Variants in NFX1 observed in about 807,000 individuals in gnomAD.
NFX1 encodes the protein transcriptional repressor NF-X1.
In NFX1, 69 loss-of-function variants were observed where a neutral mutation model predicts 137.2. The ratio of observed to expected loss-of-function variants is 0.50; its 90% CI spans 0.41 to 0.61. The LOEUF (loss-of-function observed/expected upper bound fraction) is 0.61. Ranked by LOEUF, NFX1 falls within the 20% of genes least tolerant of loss-of-function variation. The pLI is 0.00. For missense variants in NFX1, 1,167 were observed against 1,391.0 expected (o/e 0.84, Z 2.56); for synonymous variants, 495 against 474.1 (o/e 1.04, Z -0.57).
intron 9 of NFX1, among the ~76,000 whole-genome samples, chr9:33,327,067 A>T (rs1480776815): frequency 1.3e-5 from 2 of 152,256 alleles, no homozygotes; most frequent in South Asian, 4.1e-4. Flanking sequence ...ATAGGAAAGG[A>T]GTATTAGAAT....
intron 3 of NFX1, among the ~76,000 whole-genome samples, chr9:33,302,053 C>T (rs140042129): frequency 0.021 from 3,202 of 152,284 alleles, 128 homozygotes; most frequent in African/African-American, 0.073. Flanking sequence ...GCCTGGGTGA[C>T]AGAGCAAGAC....
intron 15 of NFX1, chr9:33,348,811 A>C: frequency 1.0e-6 from 1 of 982,714 alleles, no homozygotes; most frequent in Non-Finnish European, 1.2e-6. Flanking sequence ...AAACCACCAG[A>C]CGTGGTACAC....
intron 15 of NFX1, 48 bp from the exon 16 acceptor site, chr9:33,351,512 C>G: frequency 6.4e-7 from 1 of 1,565,518 alleles, no homozygotes; most frequent in Non-Finnish European, 8.8e-7. Flanking sequence ...AAAACTCACC[C>G]CAAATCCCAC....
At chr9:33,338,205 A>G (rs1459018342) in intron 11 of NFX1, among the ~76,000 whole-genome samples, 1 of 151,450 alleles carries the variant, frequency 6.6e-6, no homozygotes, top group Non-Finnish European at 1.5e-5. Context: ...AAATACAAAA[A>G]TTAGCTGGGT....
Position 33,311,192 on chromosome 9 carries a change from A to T in NFX1, c.1448+15A>T. The T allele has an allele frequency of 6.2e-7, 1 of 1,612,814 alleles. No homozygotes were observed. The highest frequency in any genetic ancestry group is 1.1e-5 in the South Asian group (1 of 91,058). On this transcript the variant is annotated intron_variant, in intron 6 of 23. Coordinates refer to ENST00000379540, the MANE Select transcript of NFX1 (RefSeq NM_002504.6). ...GGACGAACCAGGTAAAGTTAAAATT[A>T]CACCCTAAAGAAGACCTCAGTTTTC...
At chr9:33,300,404 G>A (rs1375447685) in intron 2 of NFX1, among the ~76,000 whole-genome samples, 3 of 152,018 alleles carry the variant, frequency 2.0e-5, no homozygotes, top group South Asian at 2.1e-4. Flanking sequence ...AATATGTAAT[G>A]TGCTTGCAAT....
At chr9:33,353,531 G>C (rs1039695198) in intron 17 of NFX1, among the ~76,000 whole-genome samples, 2 of 152,254 alleles carry the variant, frequency 1.3e-5, no homozygotes, top group Non-Finnish European at 1.5e-5. Context: ...TAAGTGCCAA[G>C]TGTTGCTCTA....
intron 4 of NFX1, among the ~76,000 whole-genome samples, chr9:33,305,393 G>C (rs1445169751): frequency 6.6e-6 from 1 of 152,220 alleles, no homozygotes; most frequent in Non-Finnish European, 1.5e-5. Context: ...GGTATATTGG[G>C]AGAAGAGTGA....
Position 33,358,731 on chromosome 9 carries a change from C to T in NFX1, c.2873+3839C>T, listed in dbSNP as rs1476713019. 5.6e-5 allele frequency among the ~76,000 whole-genome samples: 7 copies of T among 125,616 alleles called. No homozygotes were observed. The East Asian group carries it at 1.9e-3, about 34-fold the overall frequency. The allele number at this position is 125,616 out of a possible 152,430, so 82.4% of individuals were successfully genotyped here. ...AGGCTGGAGTGCAATGGCACAATTA[C>T]AGCTCACTGCAGCCTCTACCTCCTG... On this transcript the variant is annotated intron_variant, in intron 19 of 23. Coordinates refer to ENST00000379540, the MANE Select transcript of NFX1 (RefSeq NM_002504.6).
At chr9:33,297,479 T>G (rs1294806831) in intron 2 of NFX1, among the ~76,000 whole-genome samples, 1 of 152,252 alleles carries the variant, frequency 6.6e-6, no homozygotes, top group African/African-American at 2.4e-5. Flanking sequence ...TGTAGTGGCT[T>G]ATGATAACAC....
intron 7 of NFX1, among the ~76,000 whole-genome samples, chr9:33,317,432 AAAAGAAAG>A (rs932898504): frequency 2.0e-5 from 3 of 149,884 alleles, no homozygotes; most frequent in African/African-American, 7.4e-5. Context: ...AAAAAAAAAA[AAAAGAAAG>A]AAAGAAAAGA....
At chr9:33,302,318 G>A (rs139309095) in intron 3 of NFX1, among the ~76,000 whole-genome samples, 25 of 148,988 alleles carry the variant, frequency 1.7e-4, no homozygotes, top group African/African-American at 6.2e-4. Context: ...TAGCCATAGT[G>A]CTACTAAACA....
intron 9 of NFX1, among the ~76,000 whole-genome samples, chr9:33,322,403 T>G (rs1172341644): frequency 1.3e-5 from 2 of 152,186 alleles, no homozygotes; most frequent in East Asian, 1.9e-4. Flanking sequence ...AAGATGGGGC[T>G]TCTTCTCCCC....
At chr9:33,333,408 TTTGAA>T (rs1822884943) in intron 11 of NFX1, among the ~76,000 whole-genome samples, 1 of 152,214 alleles carries the variant, frequency 6.6e-6, no homozygotes, top group Non-Finnish European at 1.5e-5. Flanking sequence ...GCTCAGTGAT[TTTGAA>T]GACTTCAATT....
intron 6 of NFX1, 56 bp downstream of exon 6, chr9:33,311,233 T>G: frequency 6.8e-7 from 1 of 1,464,302 alleles, no homozygotes; most frequent in East Asian, 2.3e-5. Flanking sequence ...CATGATTGAC[T>G]TGTGAATTTC....
chr9:33,311,224 A>G, intron 6 of NFX1, 47 bp downstream of exon 6: 1 of 1,495,572 alleles, frequency 6.7e-7, no homozygotes, highest in Non-Finnish European at 9.3e-7. Context: ...TTTCACATGC[A>G]TGATTGACTT....
At chr9:33,301,504 G>T in intron 3 of NFX1, 83 bp downstream of exon 3, 3 of 1,440,704 alleles carry the variant, frequency 2.1e-6, no homozygotes, top group Middle Eastern at 3.8e-4. Flanking sequence ...TAAAAATACA[G>T]TTTAATTTCT....
intron 17 of NFX1, among the ~76,000 whole-genome samples, chr9:33,353,552 A>G (rs1254814506): frequency 2.6e-5 from 4 of 152,084 alleles, no homozygotes; most frequent in African/African-American, 9.7e-5. Flanking sequence ...GGGGATACTG[A>G]GGGATTGAGT....
intron 9 of NFX1, among the ~76,000 whole-genome samples, chr9:33,325,940 C>T (rs1450766147): frequency 6.6e-6 from 1 of 152,052 alleles, no homozygotes. Flanking sequence ...TAAAAAACAA[C>T]TGTATAAAAT....
Sources: allele counts gnomAD v4.1 joint callset (sites outside exome capture counted in the v4.1 genomes callset), GRCh38; gene constraint gnomAD v4.1.1; transcripts MANE v1.5; gene names NCBI Gene and HGNC (gene_info 2026-07-23, HGNC 2026-07-21).